The following S100A8 variants were observed in gnomAD, a reference collection of about 807,000 sequenced individuals.
The protein encoded by S100A8 is S100 calcium binding protein A8, also known as protein S100-A8.
In S100A8, 1 loss-of-function variant was observed where a neutral mutation model predicts 4.2. That is an observed-to-expected ratio of 0.24 (90% CI 0.08 to 1.12). The LOEUF (loss-of-function observed/expected upper bound fraction) is 1.12. Ranked by LOEUF, S100A8 falls within the 50% of genes most tolerant of loss-of-function variation. S100A8 has a pLI of 0.53. For missense variants in S100A8, 96 were observed against 111.8 expected (o/e 0.86, Z 0.64); for synonymous variants, 41 against 44.7 (o/e 0.92, Z 0.33).
the S100A8 span, among the ~76,000 whole-genome samples, chr1:153,412,191 C>T: frequency 1.3e-5 from 2 of 152,140 alleles, no homozygotes; most frequent in East Asian, 1.9e-4. Flanking sequence ...TCAGAGTGAA[C>T]AGGCAACCTA....
the S100A8 span, chr1:153,418,116 G>A: frequency 6.2e-7 from 1 of 1,614,126 alleles, no homozygotes; most frequent in Non-Finnish European, 8.5e-7. Flanking sequence ...GTCCATAATA[G>A]GCATGATCGA....
the S100A8 span, among the ~76,000 whole-genome samples, chr1:153,402,056 A>G: frequency 1.3e-5 from 2 of 152,206 alleles, no homozygotes; most frequent in African/African-American, 4.8e-5. Context: ...AAAATGTGAT[A>G]AAGAGAAAGA....
At chr1:153,402,879 C>T in the S100A8 span, among the ~76,000 whole-genome samples, 5 of 152,080 alleles carry the variant, frequency 3.3e-5, no homozygotes, top group South Asian at 2.1e-4. Flanking sequence ...ATAACAGCTC[C>T]GGTAACTAAG....
chr1:153,392,865 G>A (rs1196775316), upstream of S100A8, among the ~76,000 whole-genome samples: 1 of 152,154 alleles, frequency 6.6e-6, no homozygotes, highest in African/African-American at 2.4e-5. Flanking sequence ...CCAGCACAGT[G>A]CCCAGCACAC....
chr1:153,418,121 G>C, the S100A8 span: 5 of 1,614,164 alleles, frequency 3.1e-6, no homozygotes, highest in Non-Finnish European at 4.2e-6. Context: ...TAATAGGCAT[G>C]ATCGACATGT....
the S100A8 span, chr1:153,396,864 C>A: frequency 0.013 from 2,029 of 152,412 alleles, 20 homozygotes; most frequent in Middle Eastern, 0.02. Flanking sequence ...TAACTGTGGC[C>A]TGGCCTTGCC....
intron 2 of S100A8, 44 bp from the exon 3 acceptor site, chr1:153,390,287 G>T: frequency 6.2e-7 from 1 of 1,603,986 alleles, no homozygotes. Context: ...AAAGATCTCA[G>T]AGAGAGCCGA....
At chr1:153,390,300 C>T (rs1662054971) in intron 2 of S100A8, 57 bp from the exon 3 acceptor site, 2 of 1,602,182 alleles carry the variant, frequency 1.2e-6, no homozygotes, top group Non-Finnish European at 1.7e-6. Context: ...AGAGCCGAGG[C>T]ATAGCCATCT....
At chr1:153,404,428 C>T in the S100A8 span, among the ~76,000 whole-genome samples, 1 of 152,114 alleles carries the variant, frequency 6.6e-6, no homozygotes, top group Admixed American at 6.5e-5. Flanking sequence ...AGAGTCACCT[C>T]ATTAGCACAC....
the S100A8 span, among the ~76,000 whole-genome samples, chr1:153,414,087 T>C: frequency 6.6e-6 from 1 of 152,138 alleles, no homozygotes; most frequent in African/African-American, 2.4e-5. Flanking sequence ...TCCTTTTTTT[T>C]ATAAACAGTG....
At chr1:153,401,727 A>G in the S100A8 span, among the ~76,000 whole-genome samples, 2 of 152,194 alleles carry the variant, frequency 1.3e-5, no homozygotes, top group African/African-American at 4.8e-5. Flanking sequence ...AGAATTGGAA[A>G]TACTTCAAGC....
chr1:153,407,850 C>A, the S100A8 span, among the ~76,000 whole-genome samples: 1 of 152,212 alleles, frequency 6.6e-6, no homozygotes, highest in Non-Finnish European at 1.5e-5. Flanking sequence ...GACACCCAGG[C>A]AAACAGGGTC....
chr1:153,419,202 G>A, the S100A8 span: 1 of 1,614,180 alleles, frequency 6.2e-7, no homozygotes, highest in Non-Finnish European at 8.5e-7. Flanking sequence ...CAAGAATGAG[G>A]ATAAGAAGAT....
the S100A8 span, among the ~76,000 whole-genome samples, chr1:153,402,867 T>C: frequency 6.6e-6 from 1 of 152,172 alleles, no homozygotes; most frequent in Non-Finnish European, 1.5e-5. Context: ...TTAAGATTTA[T>C]CATAACAGCT....
At chr1:153,402,456 A>G in the S100A8 span, among the ~76,000 whole-genome samples, 1 of 152,202 alleles carries the variant, frequency 6.6e-6, no homozygotes, top group Non-Finnish European at 1.5e-5. Context: ...GAGCTGGAAC[A>G]GAGGTGCTCA....
chr1:153,397,275 G>A, the S100A8 span, among the ~76,000 whole-genome samples: 1 of 152,236 alleles, frequency 6.6e-6, no homozygotes, highest in Admixed American at 6.5e-5. Flanking sequence ...CTGGTGCCCA[G>A]GGGGTCAGAG....
At chr1:153,396,635 G>A in the S100A8 span, 2 of 152,344 alleles carry the variant, frequency 1.3e-5, no homozygotes, top group Non-Finnish European at 1.5e-5. Context: ...CACAGCTGCT[G>A]GTGGTAGTGC....
upstream of S100A8, among the ~76,000 whole-genome samples, chr1:153,394,011 G>GAC (rs977993921): frequency 2.0e-5 from 3 of 152,212 alleles, no homozygotes; most frequent in African/African-American, 7.2e-5. Flanking sequence ...GTGCTTTGGG[G>GAC]ACAGCAGGAG....
chr1:153,411,142 G>A, the S100A8 span, among the ~76,000 whole-genome samples: 1 of 152,112 alleles, frequency 6.6e-6, no homozygotes, highest in Non-Finnish European at 1.5e-5. Flanking sequence ...CAATCAGGCA[G>A]GAGAAAGAAA....
Sources: allele counts gnomAD v4.1 joint callset (sites outside exome capture counted in the v4.1 genomes callset), GRCh38; gene constraint gnomAD v4.1.1; transcripts MANE v1.5; gene names NCBI Gene and HGNC (gene_info 2026-07-23, HGNC 2026-07-21).